PYGM: variants seen among roughly 807,000 people sequenced by gnomAD.
The protein encoded by PYGM is glycogen phosphorylase, muscle form.
A neutral mutation model predicts 99.3 loss-of-function variants in PYGM; 81 were observed. The observed-to-expected ratio is 0.82, with a 90% confidence interval of 0.68 to 0.98. PYGM has a LOEUF of 0.98. Ranked by LOEUF, PYGM falls within the 50% of genes least tolerant of loss-of-function variation. The probability of loss-of-function intolerance (pLI) is 0.00; values close to 1 mark genes in which losing one functional copy is unlikely to be tolerated. For synonymous variants in PYGM, 436 were observed against 451.5 expected, an observed-to-expected ratio of 0.97 and a Z score of 0.44; for missense variants, 1,030 against 1,158.1, an observed-to-expected ratio of 0.89 and a Z score of 1.61.
At chr11:64,759,070 G>A (rs970808727) in intron 1 of PYGM, among the ~76,000 whole-genome samples, 8 of 1,268 alleles carry the variant, frequency 6.3e-3, no homozygotes, top group Non-Finnish European at 0.017. Context: ...CTGGGCTAGA[G>A]ACTGTCACCT....
intron 14 of PYGM, 40 bp downstream of exon 14, chr11:64,751,884 G>T (rs1489579384): frequency 6.2e-7 from 1 of 1,613,174 alleles, no homozygotes; most frequent in South Asian, 1.1e-5. Context: ...CAGGAACACG[G>T]GGGAGCACTG....
Position 64,750,504 on chromosome 11 carries a change from C to G in PYGM, c.2049G>C (p.Met683Ile), listed in dbSNP as rs780873398. The G allele has an allele frequency of 2.5e-6, 4 of 1,614,236 alleles. No individual in the cohort carries two copies. Among genetic ancestry groups the G allele is most frequent in the Non-Finnish European group, 3.4e-6 (4 of 1,180,042 alleles). ...EASGTGNMKF[M>I]LNGALTIGTM... ...TGCCAATGGTCAGAGCCCCGTTGAG[C>G]ATGAACTTCATGTTGCCGGTGCCTG... The change falls in exon 17 of 20, where the codon ATG (methionine) becomes ATC (isoleucine). Residue 683 changes from methionine to isoleucine, a missense_variant. Physicochemically the swap from Met to Ile is conservative, Grantham distance 10. Transcript: ENST00000164139.
In PYGM at chr11:64,753,578, C is replaced by T. The variant is rs1466751658; in HGVS notation, c.1344G>A (p.Ala448=). 4.4e-6 allele frequency: 7 copies of T among 1,605,694 alleles called. No individual in the cohort carries two copies. Among genetic ancestry groups the T allele is most frequent in the East Asian group, 2.2e-5 (1 of 44,644 alleles). The change falls in exon 11 of 20, where the codon GCG becomes GCA. Residue 448 remains alanine, a synonymous_variant. Coordinates refer to ENST00000164139, the MANE Select transcript of PYGM (RefSeq NM_005609.4). ...CCACGCCGTTGACGGCGTGCGACCCCGCGATGCACAGGTGTGCCATGTTGA... is the reference window on the plus strand; with the variant it reads ...CCACGCCGTTGACGGCGTGCGACCCTGCGATGCACAGGTGTGCCATGTTGA... The part of the protein sequence containing the change: ...KRINMAHLCI[A]GSHAVNGVAR...
rs371247639 is a variant in PYGM, at chr11:64,755,515, C to T, written c.704G>A (p.Arg235His). 5.6e-6 allele frequency: 9 copies of T among 1,614,002 alleles called. No individual in the cohort carries two copies. In the African/African-American group the frequency reaches 6.7e-5, roughly 12 times the overall value. Reference protein sequence around the residue: ...MPYDTPVPGYRNNVVNTMRLW... With the variant: ...MPYDTPVPGYHNNVVNTMRLW... The stretch of plus-strand genomic sequence containing the variant: ...GCGCATGGTGTTGACAACATTGTTG[C>T]GATAGCCAGGCACGGGCGTATCGTA... The change falls in exon 6 of 20, where the codon CGC (arginine) becomes CAC (histidine). Residue 235 changes from arginine (R) to histidine (H), a missense_variant. By Grantham distance (29) the Arg-to-His change is conservative. Transcript: ENST00000164139. This position sits in a 1 kb window ranked among gnomAD's most constrained non-coding sequence, Gnocchi z 4.1.
chr11:64,750,205 A>C (rs2058344571), intron 17 of PYGM, among the ~76,000 whole-genome samples, 171 bp downstream of exon 17: 1 of 151,730 alleles, frequency 6.6e-6, no homozygotes, highest in Non-Finnish European at 1.5e-5. Context: ...TTCCAATTTC[A>C]TTAACCTTAT....
chr11:64,747,614 A>G, intron 17 of PYGM: 1 of 518,976 alleles, frequency 1.9e-6, no homozygotes, highest in South Asian at 2.0e-5. Context: ...GCCCCCAAAC[A>G]AGCTCTTTTC....
At position 64,753,808 on chromosome 11, in the gene PYGM, G is replaced by T; in HGVS notation, c.1239+71C>A. 8 of 1,545,072 alleles carry T rather than the reference G, an allele frequency of 5.2e-6. No individual in the cohort carries two copies. The Admixed American group carries it at 1.4e-4, about 27-fold the overall frequency. On this transcript the variant is annotated intron_variant, in intron 10 of 19. Coordinates refer to ENST00000164139, the MANE Select transcript of PYGM (RefSeq NM_005609.4). ...CAGAGTCTCAGGGCCCTGGCTGGACGCCCCGACTCCCAGGCCCAGACTGGG... is the reference window on the plus strand; with the variant it reads ...CAGAGTCTCAGGGCCCTGGCTGGACTCCCCGACTCCCAGGCCCAGACTGGG...
In PYGM at chr11:64,758,107, TG is replaced by T; in HGVS notation, c.528+138del. The T allele has an allele frequency of 6.0e-6, 8 of 1,325,142 alleles. No homozygotes were observed. The South Asian group carries it at 9.6e-5, about 16-fold the overall frequency. 82.1% of individuals were successfully genotyped at this position (1,325,142 alleles called of 1,614,324 possible). A position where few individuals can be genotyped will look rare whatever the true frequency, so the allele number is the denominator to read the frequency against. On this transcript the variant is annotated intron_variant, in intron 4 of 19. Coordinates refer to ENST00000164139, the MANE Select transcript of PYGM (RefSeq NM_005609.4). ...CTGTTTCAGGGGCACCAGCTGGCTT[TG>T]GGTCGGGGGGTGGGGAGCAGCAAGG...
intron 17 of PYGM, chr11:64,748,362 A>T (rs1237702227): frequency 6.6e-6 from 1 of 152,100 alleles, no homozygotes; most frequent in Non-Finnish European, 1.5e-5. Context: ...CCTCCTGCCC[A>T]TGGGACAGCC....
Position 64,759,930 on chromosome 11 carries a change from T to TTAG in PYGM, c.-33_-32insCTA. On this transcript the variant is annotated 5_prime_UTR_variant, in exon 1 of 20. Coordinates refer to ENST00000164139, the MANE Select transcript of PYGM (RefSeq NM_005609.4). ...AGGAGGGCGGGCCGGACTGGACTGA[T>TTAG]GGTAGAGGGGACGGCGGCCTCAGCA... 6.2e-7 allele frequency: 1 copy of TTAG among 1,611,490 alleles called. No homozygotes were observed. Among genetic ancestry groups the TTAG allele is most frequent in the Non-Finnish European group, 8.5e-7 (1 of 1,178,468 alleles).
intron 5 of PYGM, among the ~76,000 whole-genome samples, chr11:64,756,036 G>A (rs1430431266): frequency 1.3e-5 from 2 of 152,218 alleles, no homozygotes; most frequent in Non-Finnish European, 2.9e-5. Flanking sequence ...GACTAATTCT[G>A]CCCCGCCTTC....
At position 64,754,953 on chromosome 11, in the gene PYGM, C is replaced by T. The variant is rs1485327404; in HGVS notation, c.856-117G>A. On this transcript the variant is annotated intron_variant, in intron 7 of 19. Coordinates refer to ENST00000164139, the MANE Select transcript of PYGM (RefSeq NM_005609.4). The surrounding 1 kb of genome is among the most constrained non-coding windows in gnomAD (Gnocchi z 5.5). ...CGGGACCCCTGAGCCCTGAGCCGGC[C>T]CCCTCTCTGGGACCCAGGGGCCTTT... The T allele has an allele frequency of 2.8e-6, 4 of 1,426,028 alleles. No homozygotes were observed. In the African/African-American group the frequency reaches 5.7e-5, roughly 20 times the overall value. 88.3% of individuals were successfully genotyped at this position (1,426,028 alleles called of 1,614,324 possible).
Position 64,756,725 on chromosome 11 carries a change from T to C in PYGM, c.660+1054A>G, listed in dbSNP as rs550099099. ...GCCTTGGCCTCCCAAAGTGCTGAGA[T>C]TACAGGTGTAAGTCACCACGCCCGG... On this transcript the variant is annotated intron_variant, in intron 5 of 19. Transcript: ENST00000164139. Among the ~76,000 whole-genome samples the C allele has an allele frequency of 2.0e-5, 3 of 152,324 alleles. No homozygotes were observed. The East Asian group carries it at 5.8e-4, about 29-fold the overall frequency.
Position 64,750,299 on chromosome 11 carries a change from C to T in PYGM, c.2177+77G>A, listed in dbSNP as rs559233787. 143 of 1,526,438 alleles carry T rather than the reference C, an allele frequency of 9.4e-5. 1 individual carries two copies. The South Asian group carries it at 1.1e-3, about 12-fold the overall frequency. The allele number at this position is 1,526,438 out of a possible 1,614,324, so 94.6% of individuals were successfully genotyped here. ...CTGGGCCTGGACCAGTCTTTCCAGA[C>T]GTGCCGCTTGCTCCCAGCACCACTC... On this transcript the variant is annotated intron_variant, in intron 17 of 19. Coordinates refer to ENST00000164139, the MANE Select transcript of PYGM (RefSeq NM_005609.4).
chr11:64,749,472 C>G (rs1192803222), intron 17 of PYGM, among the ~76,000 whole-genome samples: 1 of 151,900 alleles, frequency 6.6e-6, no homozygotes, highest in Non-Finnish European at 1.5e-5. Flanking sequence ...GAAACCCCGT[C>G]TCTACTAAAA....
At chr11:64,751,726 G>C in intron 14 of PYGM, 71 bp from the exon 15 acceptor site, 1 of 1,582,288 alleles carries the variant, frequency 6.3e-7, no homozygotes, top group Admixed American at 1.7e-5. Context: ...CAGAGGCTGG[G>C]CTGGGACACC....
At position 64,757,866 on chromosome 11, in the gene PYGM, C is replaced by G; in HGVS notation, c.573G>C (p.Glu191Asp). ...DDWLRYGNPW[E>D]KARPEFTLPV... ...GTAGCGTGAACTCGGGCCGGGCCTT[C>G]TCCCAGGGGTTGCCGTAGCGAAGCC... is the stretch of plus-strand genomic sequence containing the variant. Residue 191 changes from glutamate to aspartate, a missense_variant, in exon 5 of 20, where the codon GAG (glutamate) becomes GAC (aspartate). Glu to Asp is a conservative substitution (Grantham distance 45, BLOSUM62 2). Transcript: ENST00000164139. 1 of 1,614,174 alleles carries G rather than the reference C, an allele frequency of 6.2e-7. No individual in the cohort carries two copies. The highest frequency in any genetic ancestry group is 2.2e-5 in the East Asian group (1 of 44,886).
intron 17 of PYGM, among the ~76,000 whole-genome samples, chr11:64,750,022 G>A (rs2058342988): frequency 6.6e-6 from 1 of 152,124 alleles, no homozygotes; most frequent in Non-Finnish European, 1.5e-5. Context: ...TGGATCTCTT[G>A]ACCTTGTGAT....
chr11:64,755,343 C>T lies in PYGM; in HGVS notation c.785G>A (p.Gly262Asp). ...TCGGTCCAACACAGCCTGGATGTAG[C>T]CACCGACATTGACTGAGGGACAAAA... is the stretch of plus-strand genomic sequence containing the variant. ...DFNLKDFNVG[G>D]YIQAVLDRNL... Residue 262 changes from glycine to aspartate, a missense_variant, in exon 7 of 20, where the codon GGC becomes GAC. Gly to Asp is a moderately conservative substitution (Grantham distance 94, BLOSUM62 -1). Transcript: ENST00000164139. This position sits in a 1 kb window ranked among gnomAD's most constrained non-coding sequence, Gnocchi z 4.1. The T allele has an allele frequency of 6.2e-7, 1 of 1,614,168 alleles. No homozygotes were observed. The highest frequency in any genetic ancestry group is 1.3e-5 in the African/African-American group (1 of 75,034).
Sources: allele counts gnomAD v4.1 joint callset (sites outside exome capture counted in the v4.1 genomes callset), GRCh38; gene constraint gnomAD v4.1.1; non-coding constraint Gnocchi (gnomAD v3.1); transcripts MANE v1.5; gene names NCBI Gene and HGNC (gene_info 2026-07-23, HGNC 2026-07-21).